TOX2: variants seen among roughly 807,000 people sequenced by gnomAD.
TOX2 encodes TOX high mobility group box family member 2.
Under a neutral mutation model 47.4 loss-of-function variants are expected in TOX2, and 15 were observed. The ratio of observed to expected loss-of-function variants is 0.32; its 90% CI spans 0.21 to 0.49. The LOEUF is 0.49. TOX2 is among the 20% of genes least tolerant of loss of function. TOX2 has a pLI of 0.99. For missense variants in TOX2, 622 were observed against 673.1 expected, an observed-to-expected ratio of 0.92 and a Z score of 0.84; for synonymous variants, 290 against 296.6, an observed-to-expected ratio of 0.98 and a Z score of 0.23.
intron 3 of TOX2, among the ~76,000 whole-genome samples, chr20:44,009,491 TCTC>T: frequency 6.6e-6 from 1 of 152,130 alleles, no homozygotes; most frequent in Non-Finnish European, 1.5e-5. Flanking sequence ...AGCTTCCTCT[TCTC>T]TCTCTCAAAC....
intron 1 of TOX2, among the ~76,000 whole-genome samples, chr20:43,932,781 C>A (rs1569008719): frequency 1.4e-5 from 2 of 140,342 alleles, no homozygotes; most frequent in Admixed American, 6.9e-5. Context: ...GCTGCCCCCC[C>A]CCGCCATTTC....
At chr20:43,973,567 A>T in intron 2 of TOX2, 135 bp downstream of exon 2, 1 of 709,580 alleles carries the variant, frequency 1.4e-6, no homozygotes, top group Non-Finnish European at 2.4e-6. Context: ...AATGATCAAG[A>T]ATAGCAATAG....
At chr20:43,921,464 G>T (rs566548787) in intron 1 of TOX2, among the ~76,000 whole-genome samples, 1 of 152,248 alleles carries the variant, frequency 6.6e-6, no homozygotes, top group Non-Finnish European at 1.5e-5. Context: ...CTGTAAAATG[G>T]GGACATTGAC....
At chr20:43,942,590 G>A (rs2145353514) in intron 1 of TOX2, among the ~76,000 whole-genome samples, 1 of 152,334 alleles carries the variant, frequency 6.6e-6, no homozygotes, top group Non-Finnish European at 1.5e-5. Context: ...GGAGGCTGAA[G>A]CAGGAGGATC....
At chr20:43,966,179 G>A (rs2069849652) in intron 1 of TOX2, among the ~76,000 whole-genome samples, 1 of 152,180 alleles carries the variant, frequency 6.6e-6, no homozygotes, top group Non-Finnish European at 1.5e-5. Context: ...GGAAAGGAAG[G>A]CAAAGTGAAG....
chr20:44,060,978 A>G (rs1169993064), intron 5 of TOX2, among the ~76,000 whole-genome samples: 1 of 152,236 alleles, frequency 6.6e-6, no homozygotes, highest in African/African-American at 2.4e-5. Flanking sequence ...CTTTGAAAAG[A>G]TAAATAAAAC....
intron 2 of TOX2, among the ~76,000 whole-genome samples, chr20:43,990,347 A>T (rs2070347858): frequency 6.6e-6 from 1 of 152,158 alleles, no homozygotes; most frequent in Non-Finnish European, 1.5e-5. Context: ...GTGGATGCTT[A>T]CTACATTTTA....
At chr20:43,934,175 C>T (rs965140736) in intron 1 of TOX2, among the ~76,000 whole-genome samples, 2 of 115,710 alleles carry the variant, frequency 1.7e-5, no homozygotes, top group African/African-American at 6.9e-5. Context: ...GAGACCTGCC[C>T]TCAGTCAGAA....
intron 2 of TOX2, among the ~76,000 whole-genome samples, chr20:43,979,739 A>G (rs1195280877): frequency 1.3e-5 from 2 of 152,234 alleles, no homozygotes; most frequent in African/African-American, 2.4e-5. Flanking sequence ...ACATTTCTTA[A>G]AAGAAGACCT....
chr20:43,965,067 A>G (rs2069826787), intron 1 of TOX2, among the ~76,000 whole-genome samples: 1 of 152,202 alleles, frequency 6.6e-6, no homozygotes, highest in African/African-American at 2.4e-5. Flanking sequence ...TCATTGGTAT[A>G]CTTCGCAAGG....
intron 3 of TOX2, among the ~76,000 whole-genome samples, chr20:44,026,676 C>T (rs766369439): frequency 2.6e-5 from 4 of 152,164 alleles, no homozygotes; most frequent in Non-Finnish European, 4.4e-5. Flanking sequence ...CTCCCTGACA[C>T]TGTCTCAGGC....
chr20:43,953,878 C>T (rs1254424662), intron 1 of TOX2, among the ~76,000 whole-genome samples: 1 of 152,160 alleles, frequency 6.6e-6, no homozygotes, highest in East Asian at 1.9e-4. Context: ...TTTGTCCTCC[C>T]ATCTTCTGGA....
At chr20:43,920,891 A>G (rs964594619) in intron 1 of TOX2, among the ~76,000 whole-genome samples, 4 of 152,198 alleles carry the variant, frequency 2.6e-5, no homozygotes, top group Admixed American at 2.0e-4. Context: ...TGGGCCTGCT[A>G]TCCTTCAGAG....
At chr20:43,968,093 C>A (rs528993515) in intron 1 of TOX2, among the ~76,000 whole-genome samples, 1 of 152,140 alleles carries the variant, frequency 6.6e-6, no homozygotes, top group African/African-American at 2.4e-5. Context: ...TTCACCCGTC[C>A]GTCATCTGCC....
At chr20:43,926,025 A>G (rs1007468432) in intron 1 of TOX2, among the ~76,000 whole-genome samples, 1 of 152,220 alleles carries the variant, frequency 6.6e-6, no homozygotes, top group African/African-American at 2.4e-5. Flanking sequence ...ATTACAGCTA[A>G]TTAAAATGTG....
intron 1 of TOX2, among the ~76,000 whole-genome samples, chr20:43,963,445 A>C (rs376891753): frequency 1.3e-5 from 2 of 152,186 alleles, no homozygotes; most frequent in African/African-American, 4.8e-5. Context: ...TCCCAGGCCT[A>C]TAGTCATGAG....
intron 3 of TOX2, among the ~76,000 whole-genome samples, chr20:44,012,505 GGTCCCTGGA>G (rs1418661669): frequency 6.6e-6 from 1 of 152,130 alleles, no homozygotes. Context: ...AAGCCCTGTG[GGTCCCTGGA>G]GTTGTGTGGT....
intron 2 of TOX2, among the ~76,000 whole-genome samples, chr20:43,988,079 C>A (rs765928119): frequency 6.6e-6 from 1 of 151,834 alleles, no homozygotes. Flanking sequence ...GCTACCACAC[C>A]CAGCTAATTT....
chr20:44,045,426 G>A (rs117294735), intron 3 of TOX2, among the ~76,000 whole-genome samples: 1,885 of 152,226 alleles, frequency 0.012, 23 homozygotes, highest in Middle Eastern at 0.037. Context: ...ACAATGCCCC[G>A]CAGTTCATTG....
Sources: gnomAD v4.1 joint callset for allele counts (sites outside exome capture counted in the v4.1 genomes callset) on GRCh38, gnomAD v4.1.1 for gene constraint, MANE v1.5 for transcripts, NCBI Gene and HGNC (gene_info 2026-07-23, HGNC 2026-07-21) for gene names.